The following TMEM132C variants were observed in gnomAD, a reference collection of about 807,000 sequenced individuals.
The protein encoded by TMEM132C is transmembrane protein 132C, also known as protein phosphatase 1, regulatory subunit 152.
In TMEM132C, 29 loss-of-function variants were observed where a neutral mutation model predicts 61.4. That is an observed-to-expected ratio of 0.47 (90% confidence interval 0.35 to 0.64). The LOEUF is 0.64. Ranked by LOEUF, TMEM132C falls within the 30% of genes least tolerant of loss-of-function variation. TMEM132C has a pLI of 0.00. For synonymous variants in TMEM132C, 656 were observed against 633.1 expected (o/e 1.04, Z -0.54); for missense variants, 1,408 against 1,476.9 (o/e 0.95, Z 0.76).
chr12:128,529,436 A>G (rs1873204189), intron 2 of TMEM132C, among the ~76,000 whole-genome samples: 1 of 152,206 alleles, frequency 6.6e-6, no homozygotes, highest in Admixed American at 6.5e-5. Context: ...TATTTCAAAA[A>G]ATACCAATTT....
rs141689732 is a variant in TMEM132C, at chr12:128,609,745, G to A, written c.1122-6407G>A. On this transcript the variant is annotated intron_variant, in intron 3 of 8. Coordinates refer to ENST00000435159, the MANE Select transcript of TMEM132C (RefSeq NM_001136103.3). ...CCAGATTCTTTCTCATTCCCCTGGC[G>A]TATTGGATCTGGGTGTGTTAGCTTA... is the stretch of plus-strand genomic sequence containing the variant. Among the ~76,000 whole-genome samples the A allele has an allele frequency of 1.7e-3, 255 of 152,280 alleles. 1 individual carries two copies. The highest frequency in any genetic ancestry group is 2.8e-3 in the Admixed American group (43 of 15,304).
At chr12:128,363,587 C>G (rs1873770735) in intron 1 of TMEM132C, among the ~76,000 whole-genome samples, 1 of 152,066 alleles carries the variant, frequency 6.6e-6, no homozygotes, top group South Asian at 2.1e-4. Flanking sequence ...GTGGCTCATG[C>G]CTGTAATCCC....
At chr12:128,432,340 T>G (rs1459978420) in intron 2 of TMEM132C, among the ~76,000 whole-genome samples, 1 of 152,236 alleles carries the variant, frequency 6.6e-6, no homozygotes, top group Non-Finnish European at 1.5e-5. Flanking sequence ...CTGCCATAGA[T>G]AGTAATTCCC....
intron 2 of TMEM132C, among the ~76,000 whole-genome samples, chr12:128,503,423 C>T (rs553661957): frequency 8.5e-5 from 13 of 152,294 alleles, no homozygotes; most frequent in Admixed American, 3.9e-4. Context: ...CAGTCTGCAG[C>T]GCTGTTTTTC....
intron 5 of TMEM132C, among the ~76,000 whole-genome samples, chr12:128,672,097 T>G (rs1423220400): frequency 6.6e-6 from 1 of 152,152 alleles, no homozygotes; most frequent in Non-Finnish European, 1.5e-5. Flanking sequence ...TTTCTACATG[T>G]AGTCTATATA....
intron 1 of TMEM132C, among the ~76,000 whole-genome samples, chr12:128,344,302 A>C (rs1873079919): frequency 1.3e-5 from 2 of 151,904 alleles, no homozygotes; most frequent in African/African-American, 4.8e-5. Context: ...GGACTACAGG[A>C]GCCTGCCACC....
Position 128,706,398 on chromosome 12 carries a change from C to T in TMEM132C, c.*103C>T. 1 of 1,394,968 alleles carries T rather than the reference C, an allele frequency of 7.2e-7. No homozygotes were observed. Among genetic ancestry groups the T allele is most frequent in the Non-Finnish European group, 9.4e-7 (1 of 1,063,536 alleles). 86.4% of individuals were successfully genotyped at this position (1,394,968 alleles called of 1,614,324 possible). A position where few individuals can be genotyped will look rare whatever the true frequency, so the allele number is the denominator to read the frequency against. ...CAGTGGGGTTAAGAAGGGACGGTCC[C>T]AGGGTCCATGCTAGACCAGTTGGAA... On this transcript the variant is annotated 3_prime_UTR_variant, in exon 9 of 9. Coordinates refer to ENST00000435159, the MANE Select transcript of TMEM132C (RefSeq NM_001136103.3).
intron 3 of TMEM132C, among the ~76,000 whole-genome samples, chr12:128,572,892 C>A (rs1411538082): frequency 3.3e-5 from 5 of 152,242 alleles, no homozygotes; most frequent in East Asian, 3.9e-4. Flanking sequence ...CAAATCAAAA[C>A]CACAATGAGA....
chr12:128,368,174 C>G (rs958849649), intron 1 of TMEM132C, among the ~76,000 whole-genome samples: 1 of 152,216 alleles, frequency 6.6e-6, no homozygotes, highest in Non-Finnish European at 1.5e-5. Flanking sequence ...CATAGTTCAT[C>G]CCCACTAGCT....
Position 128,706,165 on chromosome 12 carries a change from A to T in TMEM132C, c.3197A>T (p.Asp1066Val), listed in dbSNP as rs1188599661. 1 of 1,551,292 alleles carries T rather than the reference A, an allele frequency of 6.4e-7. No individual in the cohort carries two copies. The highest frequency in any genetic ancestry group is 8.7e-7 in the Non-Finnish European group (1 of 1,146,816). Residue 1066 changes from aspartate (D) to valine (V), a missense_variant, in exon 9 of 9, where the codon GAC becomes GTC. Coordinates refer to ENST00000435159, the MANE Select transcript of TMEM132C (RefSeq NM_001136103.3). Reference protein sequence around the residue: ...FTTFTTIPPDDSCPTVNSIVS... With the variant: ...FTTFTTIPPDVSCPTVNSIVS... Reference sequence around the variant, plus strand: ...ACCTTTACCACCATCCCCCCGGACGACAGCTGCCCCACGGTGAACTCCATC... The same window carrying T: ...ACCTTTACCACCATCCCCCCGGACGTCAGCTGCCCCACGGTGAACTCCATC...
chr12:128,358,549 TC>T (rs1873593951), intron 1 of TMEM132C, among the ~76,000 whole-genome samples: 1 of 145,742 alleles, frequency 6.9e-6, no homozygotes, highest in South Asian at 2.3e-4. Context: ...CGCCTGAACT[TC>T]CTAAAGAACC....
intron 3 of TMEM132C, among the ~76,000 whole-genome samples, chr12:128,591,398 G>A (rs1048736681): frequency 2.6e-5 from 4 of 152,064 alleles, no homozygotes; most frequent in African/African-American, 9.7e-5. Context: ...CTTCCACTCA[G>A]CGTCATGGTC....
At chr12:128,634,227 C>T (rs753160622) in intron 4 of TMEM132C, among the ~76,000 whole-genome samples, 6 of 152,184 alleles carry the variant, frequency 3.9e-5, no homozygotes, top group African/African-American at 7.2e-5. Flanking sequence ...GCATGTGCCA[C>T]GAAACCCAGC....
rs531102377 is a variant in TMEM132C, at chr12:128,701,768, C to T, written c.2122-3322C>T. On this transcript the variant is annotated intron_variant, in intron 8 of 8. Coordinates refer to ENST00000435159, the MANE Select transcript of TMEM132C (RefSeq NM_001136103.3). ...TGTCTCCCACTGCAGTAATTCTCTCCTTGAACATGTCTCATCTGCTGTTCG... is the reference window on the plus strand; with the variant it reads ...TGTCTCCCACTGCAGTAATTCTCTCTTTGAACATGTCTCATCTGCTGTTCG... Among the ~76,000 whole-genome samples, 4 of 152,270 alleles carry T rather than the reference C, an allele frequency of 2.6e-5. No individual in the cohort carries two copies. The South Asian group carries it at 8.3e-4, about 32-fold the overall frequency.
At chr12:128,609,744 C>T (rs1021552006) in intron 3 of TMEM132C, among the ~76,000 whole-genome samples, 3 of 152,184 alleles carry the variant, frequency 2.0e-5, no homozygotes, top group Non-Finnish European at 2.9e-5. Flanking sequence ...ATTCCCCTGG[C>T]GTATTGGATC....
At chr12:128,293,778 T>C (rs1683711) in intron 1 of TMEM132C, among the ~76,000 whole-genome samples, 34,993 of 152,038 alleles carry the variant, frequency 0.23, 4,548 homozygotes, top group East Asian at 0.5. Flanking sequence ...CAGCCTCCTC[T>C]GAACAAACTG....
intron 1 of TMEM132C, among the ~76,000 whole-genome samples, chr12:128,363,660 C>T (rs186371554): frequency 6.6e-6 from 1 of 152,138 alleles, no homozygotes; most frequent in African/African-American, 2.4e-5. Flanking sequence ...GGCTGGCCAA[C>T]ATAATGAAAC....
At chr12:128,525,511 G>A (rs537375390) in intron 2 of TMEM132C, among the ~76,000 whole-genome samples, 2 of 152,292 alleles carry the variant, frequency 1.3e-5, no homozygotes, top group Admixed American at 6.5e-5. Context: ...TATCTCTTGA[G>A]CTGACTTTTG....
At chr12:128,669,617 C>A in intron 5 of TMEM132C, 57 bp downstream of exon 5, 1 of 1,533,504 alleles carries the variant, frequency 6.5e-7, no homozygotes, top group South Asian at 1.2e-5. Flanking sequence ...TTGGACATCC[C>A]GTTTGCTAGG....
Sources: allele counts gnomAD v4.1 joint callset (sites outside exome capture counted in the v4.1 genomes callset), GRCh38; gene constraint gnomAD v4.1.1; transcripts MANE v1.5; gene names NCBI Gene and HGNC (gene_info 2026-07-23, HGNC 2026-07-21).